The following MEGF11 variants were observed in gnomAD, a reference collection of about 807,000 sequenced individuals.
The protein encoded by MEGF11 is multiple EGF like domains 11.
A neutral mutation model predicts 146.6 loss-of-function variants in MEGF11; 126 were observed. The observed-to-expected ratio is 0.86, with a 90% confidence interval of 0.74 to 1.00. The LOEUF (loss-of-function observed/expected upper bound fraction) is 1.00. Ranked by LOEUF, MEGF11 falls within the 50% of genes least tolerant of loss-of-function variation. The pLI, the probability that MEGF11 is intolerant of heterozygous loss-of-function variation, is 0.00. For synonymous variants in MEGF11, 532 were observed against 583.4 expected (o/e 0.91, Z 1.27); for missense variants, 1,509 against 1,521.2 (o/e 0.99, Z 0.13).
chr15:66,081,364 C>T (rs893704690), intron 5 of MEGF11, among the ~76,000 whole-genome samples: 2 of 152,184 alleles, frequency 1.3e-5, no homozygotes, highest in Non-Finnish European at 2.9e-5. Context: ...GGAAATAGCC[C>T]TGTTTACCTT....
chr15:65,933,520 A>G (rs1378150765), intron 10 of MEGF11, among the ~76,000 whole-genome samples: 1 of 152,212 alleles, frequency 6.6e-6, no homozygotes, highest in Non-Finnish European at 1.5e-5. Flanking sequence ...AGCTCGACAC[A>G]TCTGCTCCCC....
intron 1 of MEGF11, among the ~76,000 whole-genome samples, chr15:66,184,124 T>C (rs1247574581): frequency 6.6e-6 from 1 of 152,164 alleles, no homozygotes; most frequent in Non-Finnish European, 1.5e-5. Context: ...GGGTGATGGA[T>C]ATATTCACTA....
chr15:66,184,144 T>C (rs1171371412), intron 1 of MEGF11, among the ~76,000 whole-genome samples: 1 of 152,190 alleles, frequency 6.6e-6, no homozygotes, highest in Admixed American at 6.5e-5. Context: ...ATCTTTATTA[T>C]GGCGATGGTT....
At chr15:65,911,836 G>A (rs1454163263) in intron 21 of MEGF11, among the ~76,000 whole-genome samples, 1 of 152,158 alleles carries the variant, frequency 6.6e-6, no homozygotes, top group Non-Finnish European at 1.5e-5. Flanking sequence ...AGGGTACAGG[G>A]GTATATGTTA....
chr15:66,051,055 A>G (rs1597031201), intron 5 of MEGF11, among the ~76,000 whole-genome samples: 1 of 152,252 alleles, frequency 6.6e-6, no homozygotes, highest in Admixed American at 6.5e-5. Flanking sequence ...TATGAGCCCC[A>G]AAGGACAATC....
intron 5 of MEGF11, among the ~76,000 whole-genome samples, chr15:66,028,738 T>C (rs1037936645): frequency 2.6e-4 from 39 of 152,160 alleles, no homozygotes; most frequent in African/African-American, 8.4e-4. Context: ...GAAAACTATG[T>C]TATGTGGAAA....
At chr15:65,957,294 G>A (rs2080684181) in intron 10 of MEGF11, among the ~76,000 whole-genome samples, 1 of 152,238 alleles carries the variant, frequency 6.6e-6, no homozygotes, top group African/African-American at 2.4e-5. Context: ...TGGACAGGCA[G>A]GAGCTGGGCA....
At chr15:66,076,249 G>C (rs1235494009) in intron 5 of MEGF11, among the ~76,000 whole-genome samples, 1 of 127,998 alleles carries the variant, frequency 7.8e-6, no homozygotes, top group Non-Finnish European at 1.7e-5. Context: ...TGGATGGATG[G>C]ATGCATGTTC....
intron 10 of MEGF11, among the ~76,000 whole-genome samples, chr15:65,957,224 C>G (rs2080679683): frequency 6.6e-6 from 1 of 152,156 alleles, no homozygotes; most frequent in Non-Finnish European, 1.5e-5. Flanking sequence ...AAGCAGAATG[C>G]AAAACTGTCT....
intron 1 of MEGF11, among the ~76,000 whole-genome samples, chr15:66,220,486 G>A (rs972574826): frequency 1.3e-5 from 2 of 150,708 alleles, no homozygotes; most frequent in Non-Finnish European, 2.9e-5. Context: ...GGAGAGGAAG[G>A]GTATGATCAT....
chr15:65,949,680 A>C (rs923675412), intron 10 of MEGF11, among the ~76,000 whole-genome samples: 1 of 152,218 alleles, frequency 6.6e-6, no homozygotes, highest in Non-Finnish European at 1.5e-5. Flanking sequence ...CTTATCTTCC[A>C]GACACGCAGG....
intron 5 of MEGF11, among the ~76,000 whole-genome samples, chr15:66,059,937 A>G (rs1227090383): frequency 6.6e-6 from 1 of 152,094 alleles, no homozygotes; most frequent in Admixed American, 6.5e-5. Flanking sequence ...GGTTCCTGGG[A>G]AGGTTGGGCA....
At chr15:66,094,105 A>T (rs2086434821) in intron 5 of MEGF11, among the ~76,000 whole-genome samples, 1 of 152,078 alleles carries the variant, frequency 6.6e-6, no homozygotes, top group South Asian at 2.1e-4. Context: ...TTTCACATCA[A>T]CCATCAAAGA....
intron 4 of MEGF11, among the ~76,000 whole-genome samples, chr15:66,107,111 G>C (rs1452796293): frequency 6.6e-6 from 1 of 152,040 alleles, no homozygotes; most frequent in East Asian, 1.9e-4. Flanking sequence ...TGCAACGAGG[G>C]ACCCTGCTCC....
chr15:66,055,607 G>A (rs1249122616), intron 5 of MEGF11, among the ~76,000 whole-genome samples: 2 of 152,174 alleles, frequency 1.3e-5, no homozygotes, highest in Non-Finnish European at 2.9e-5. Flanking sequence ...CAAACCAGCT[G>A]CTATTTATAA....
chr15:66,243,001 AG>A (rs1328287032), intron 1 of MEGF11, among the ~76,000 whole-genome samples: 1 of 152,214 alleles, frequency 6.6e-6, no homozygotes, highest in Non-Finnish European at 1.5e-5. Context: ...TTTCCCCCAA[AG>A]TATACAAACT....
intron 5 of MEGF11, among the ~76,000 whole-genome samples, chr15:65,999,857 A>G (rs1469308795): frequency 1.3e-5 from 2 of 152,242 alleles, no homozygotes; most frequent in African/African-American, 4.8e-5. Flanking sequence ...GATTGACGGT[A>G]GGTCATTATC....
chr15:65,964,226 C>T (rs1208313791), intron 9 of MEGF11, among the ~76,000 whole-genome samples: 1 of 152,130 alleles, frequency 6.6e-6, no homozygotes, highest in Non-Finnish European at 1.5e-5. Flanking sequence ...GGTTCAGGCT[C>T]CTTTGGAAGT....
rs151030716 is a variant in MEGF11, at chr15:66,039,514, G to A, written c.394+54888C>T. The stretch of plus-strand genomic sequence containing the variant: ...CATTTCATTTGGTTCTCACAGATAG[G>A]CATTCTCCCTACTTTACAGACAGAG... On this transcript the variant is annotated intron_variant, in intron 5 of 25. Transcript: ENST00000395614. 1.3e-4 allele frequency among the ~76,000 whole-genome samples: 20 copies of A among 152,290 alleles called. No homozygotes were observed. In the East Asian group the frequency reaches 3.7e-3, roughly 28 times the overall value.
Sources: allele counts gnomAD v4.1 joint callset (sites outside exome capture counted in the v4.1 genomes callset), GRCh38; gene constraint gnomAD v4.1.1; transcripts MANE v1.5; gene names NCBI Gene and HGNC (gene_info 2026-07-23, HGNC 2026-07-21).